Variants in NEBL observed in about 807,000 individuals in gnomAD.
NEBL encodes LIM and SH3 protein 2.
Under a neutral mutation model 140.2 loss-of-function variants are expected in NEBL, and 122 were observed. The ratio of observed to expected loss-of-function variants is 0.87; its 90% CI spans 0.75 to 1.01. NEBL has a LOEUF of 1.01. NEBL is among the 50% of genes least tolerant of loss of function. The probability of loss-of-function intolerance (pLI) is 0.00; values close to 1 mark genes in which losing one functional copy is unlikely to be tolerated. For missense variants in NEBL, 1,365 were observed against 1,231.3 expected (o/e 1.11, Z -1.62); for synonymous variants, 436 against 398.9 (o/e 1.09, Z -1.11).
At chr10:20,903,692 A>G (rs112679780) in intron 4 of NEBL, among the ~76,000 whole-genome samples, 1 of 152,248 alleles carries the variant, frequency 6.6e-6, no homozygotes, top group African/African-American at 2.4e-5. Flanking sequence ...AGGCAGAAAA[A>G]GAACAAAATA....
chr10:20,909,403 G>T (rs879436710), intron 4 of NEBL, among the ~76,000 whole-genome samples: 5 of 151,806 alleles, frequency 3.3e-5, no homozygotes, highest in Non-Finnish European at 7.4e-5. Context: ...TGCAATGTTT[G>T]TCTTTCTGGG....
chr10:20,860,993 T>C (rs1488229517), intron 7 of NEBL, among the ~76,000 whole-genome samples: 1 of 152,208 alleles, frequency 6.6e-6, no homozygotes, highest in Non-Finnish European at 1.5e-5. Flanking sequence ...AAATTTCTGA[T>C]ATTCTCAATA....
chr10:21,032,010 T>C (rs1010488131), intron 2 of NEBL, among the ~76,000 whole-genome samples: 3 of 152,114 alleles, frequency 2.0e-5, no homozygotes, highest in Non-Finnish European at 4.4e-5. Flanking sequence ...ACTCAAAAAC[T>C]CAAATGAATA....
intron 2 of NEBL, among the ~76,000 whole-genome samples, chr10:21,046,525 T>C (rs1834520762): frequency 6.6e-6 from 1 of 152,216 alleles, no homozygotes; most frequent in South Asian, 2.1e-4. Context: ...GGCAGACATA[T>C]GACTTTTCAT....
At chr10:20,960,928 T>C (rs747897115) in intron 4 of NEBL, among the ~76,000 whole-genome samples, 4 of 152,182 alleles carry the variant, frequency 2.6e-5, no homozygotes, top group Middle Eastern at 3.2e-3. Context: ...CATACTTTTA[T>C]GTCACTCACA....
intron 3 of NEBL, among the ~76,000 whole-genome samples, chr10:20,988,967 T>C (rs1837357986): frequency 6.6e-6 from 1 of 152,236 alleles, no homozygotes; most frequent in African/African-American, 2.4e-5. Context: ...CAATACATAT[T>C]TGCTGAATGA....
At chr10:20,943,787 A>G (rs1313707183) in intron 4 of NEBL, among the ~76,000 whole-genome samples, 1 of 152,174 alleles carries the variant, frequency 6.6e-6, no homozygotes, top group Admixed American at 6.5e-5. Flanking sequence ...CTAGGATCCT[A>G]CTTCTCTGTA....
intron 2 of NEBL, among the ~76,000 whole-genome samples, chr10:21,067,677 C>T (rs1050978857): frequency 8.6e-5 from 13 of 152,038 alleles, no homozygotes; most frequent in African/African-American, 3.1e-4. Context: ...GAGAGAACAC[C>T]TTCCTATTAA....
chr10:21,256,692 A>G (rs1442347136), intron 1 of NEBL, among the ~76,000 whole-genome samples: 1 of 152,088 alleles, frequency 6.6e-6, no homozygotes, highest in African/African-American at 2.4e-5. Context: ...TTATCTGGGT[A>G]CAGTGGGTCA....
At chr10:20,967,914 T>C (rs1836396500) in intron 3 of NEBL, among the ~76,000 whole-genome samples, 1 of 152,204 alleles carries the variant, frequency 6.6e-6, no homozygotes, top group Non-Finnish European at 1.5e-5. Context: ...TTAAAAGTCC[T>C]GATGCAGAAA....
At chr10:21,096,115 A>G (rs1564509889) in intron 2 of NEBL, among the ~76,000 whole-genome samples, 1 of 152,218 alleles carries the variant, frequency 6.6e-6, no homozygotes, top group Non-Finnish European at 1.5e-5. Context: ...GAGAAATGTA[A>G]TATGTCAAAA....
intron 12 of NEBL, among the ~76,000 whole-genome samples, chr10:20,843,833 C>T (rs1444015106): frequency 2.0e-5 from 3 of 151,972 alleles, no homozygotes; most frequent in African/African-American, 2.4e-5. Context: ...GTGTTGTGAA[C>T]ACTCAAAATC....
intron 4 of NEBL, among the ~76,000 whole-genome samples, chr10:20,934,937 T>C (rs560233651): frequency 4.6e-5 from 7 of 152,100 alleles, no homozygotes; most frequent in Non-Finnish European, 1.0e-4. Flanking sequence ...AGGTCAAGAG[T>C]TGTGATTGGA....
intron 2 of NEBL, among the ~76,000 whole-genome samples, chr10:21,130,702 T>A (rs1307671584): frequency 6.6e-6 from 1 of 152,002 alleles, no homozygotes; most frequent in African/African-American, 2.4e-5. Context: ...AAAATGAAAA[T>A]ACAACTTGTC....
At chr10:20,965,467 G>A (rs1836264879) in intron 3 of NEBL, among the ~76,000 whole-genome samples, 1 of 152,156 alleles carries the variant, frequency 6.6e-6, no homozygotes, top group African/African-American at 2.4e-5. Flanking sequence ...CAGGCAGAGG[G>A]AACAGACAGA....
At chr10:21,290,877 T>A (rs1327747835) in intron 1 of NEBL, among the ~76,000 whole-genome samples, 4 of 152,218 alleles carry the variant, frequency 2.6e-5, no homozygotes, top group Non-Finnish European at 5.9e-5. Context: ...TCTCATAGTT[T>A]TGCACGGCTC....
chr10:20,826,762 G>A (rs1839919049), intron 17 of NEBL, among the ~76,000 whole-genome samples: 2 of 152,056 alleles, frequency 1.3e-5, no homozygotes, highest in African/African-American at 4.8e-5. Flanking sequence ...CCTGCTCTAG[G>A]TCTAGACCAC....
In NEBL at chr10:21,243,104, C is replaced by T. The variant is rs548314987; in HGVS notation, n.348+4817G>A. ...GCTGATAAGAAAGCTGATTGCTACA[C>T]TCTGATGAGTCTCCACTTAGAACCT... On this transcript the variant is annotated intron_variant and non_coding_transcript_variant, in intron 3 of 8. Coordinates refer to the NEBL transcript ENST00000675702. Among the ~76,000 whole-genome samples, 6 of 152,262 alleles carry T rather than the reference C, an allele frequency of 3.9e-5. No homozygotes were observed. In the South Asian group the frequency reaches 1.2e-3, roughly 32 times the overall value.
At chr10:20,809,929 T>C in intron 24 of NEBL, 31 bp from the exon 25 acceptor site, 1 of 867,128 alleles carries the variant, frequency 1.2e-6, no homozygotes, top group Non-Finnish European at 1.7e-6. Flanking sequence ...TCAACACTCA[T>C]CAAGAAGGAA....
Sources: gnomAD v4.1 joint callset for allele counts (sites outside exome capture counted in the v4.1 genomes callset) on GRCh38, gnomAD v4.1.1 for gene constraint, MANE v1.5 for transcripts, NCBI Gene and HGNC (gene_info 2026-07-23, HGNC 2026-07-21) for gene names.